SLC15A4: variants seen among roughly 807,000 people sequenced by gnomAD.
SLC15A4 encodes solute carrier family 15 member 4, also known as hPHT1.
A neutral mutation model predicts 46.1 loss-of-function variants in SLC15A4; 26 were observed. The ratio of observed to expected loss-of-function variants is 0.56; its 90% CI spans 0.41 to 0.78. The LOEUF (loss-of-function observed/expected upper bound fraction) is 0.78. Ranked by LOEUF, SLC15A4 falls within the 30% of genes least tolerant of loss-of-function variation. SLC15A4 has a pLI of 0.00. For synonymous variants in SLC15A4, 370 were observed against 333.4 expected, an observed-to-expected ratio of 1.11 and a Z score of -1.20; for missense variants, 751 against 755.7, an observed-to-expected ratio of 0.99 and a Z score of 0.07.
chr12:128,815,307 C>G, intron 1 of SLC15A4: 1 of 166,016 alleles, frequency 6.0e-6, no homozygotes, highest in South Asian at 7.7e-5. Context: ...CCAACAAATG[C>G]TAGAGAGTTT....
chr12:128,822,735 C>G (rs939054427), intron 1 of SLC15A4, among the ~76,000 whole-genome samples: 1 of 152,028 alleles, frequency 6.6e-6, no homozygotes, highest in African/African-American at 2.4e-5. Context: ...TATTTTTAGC[C>G]AGGCTGGTCA....
intron 7 of SLC15A4, among the ~76,000 whole-genome samples, 170 bp downstream of exon 7, chr12:128,799,089 A>G (rs1006961533): frequency 6.6e-6 from 1 of 152,134 alleles, no homozygotes; most frequent in African/African-American, 2.4e-5. Context: ...TGATGTAAGG[A>G]AACACAGTGA....
At chr12:128,810,370 G>C in intron 2 of SLC15A4, 2 of 427,484 alleles carry the variant, frequency 4.7e-6, no homozygotes, top group East Asian at 9.7e-5. Context: ...GTGGCTGGAA[G>C]ATCTGTGATG....
chr12:128,806,465 C>A (rs1177861521), intron 5 of SLC15A4, among the ~76,000 whole-genome samples: 2 of 152,034 alleles, frequency 1.3e-5, no homozygotes, highest in Non-Finnish European at 2.9e-5. Flanking sequence ...AATCAAGTTT[C>A]TTTCCCATTA....
Position 128,795,178 on chromosome 12 carries a change from G to C in SLC15A4, c.1574-822C>G, listed in dbSNP as rs188071326. 4.6e-3 allele frequency among the ~76,000 whole-genome samples: 697 copies of C among 152,074 alleles called. 4 individuals carry two copies. The highest frequency in any genetic ancestry group is 0.016 in the African/African-American group (655 of 41,450). ...TCGTGAATTCTGGATTCACTGCATG[G>C]GTCACTGACACACCCAACACACCAG... On this transcript the variant is annotated intron_variant, in intron 7 of 7. Coordinates refer to ENST00000266771, the MANE Select transcript of SLC15A4 (RefSeq NM_145648.4).
At chr12:128,800,171 C>T (rs1955498385) in intron 6 of SLC15A4, among the ~76,000 whole-genome samples, 1 of 152,054 alleles carries the variant, frequency 6.6e-6, no homozygotes, top group African/African-American at 2.4e-5. Flanking sequence ...TTTTGGCAGG[C>T]CCATCTATAA....
rs1955404860 is a variant in SLC15A4, at chr12:128,793,199, T to A, written c.*997A>T. 6.6e-6 allele frequency: 1 copy of A among 152,370 alleles called. No homozygotes were observed. Among genetic ancestry groups the A allele is most frequent in the African/African-American group, 2.4e-5 (1 of 41,580 alleles). 9.4% of individuals were successfully genotyped at this position (152,370 alleles called of 1,614,324 possible). On this transcript the variant is annotated 3_prime_UTR_variant, in exon 8 of 8. Coordinates refer to ENST00000266771, the MANE Select transcript of SLC15A4 (RefSeq NM_145648.4). ...CCACGCAAAGAACCGGCTCATGGATTTCGCATTTGAGATGCTTTTTATAAT... is the reference window on the plus strand; with the variant it reads ...CCACGCAAAGAACCGGCTCATGGATATCGCATTTGAGATGCTTTTTATAAT...
intron 1 of SLC15A4, among the ~76,000 whole-genome samples, chr12:128,820,719 T>C (rs1014284387): frequency 2.0e-5 from 3 of 152,262 alleles, no homozygotes; most frequent in Admixed American, 1.3e-4. Flanking sequence ...AACCAGATAC[T>C]GTACTTAGGT....
Position 128,823,876 on chromosome 12 carries a change from G to GCCGCCGCCGC in SLC15A4, c.58_67dup (p.Ala23GlyfsTer165). 1 of 966,448 alleles carries GCCGCCGCCGC rather than the reference G, an allele frequency of 1.0e-6. No individual in the cohort carries two copies. Among genetic ancestry groups the GCCGCCGCCGC allele is most frequent in the Non-Finnish European group, 1.2e-6 (1 of 814,784 alleles). The allele number at this position is 966,448 out of a possible 1,614,324, so 59.9% of individuals were successfully genotyped here. On this transcript the variant is annotated frameshift_variant, in exon 1 of 8. Transcript: ENST00000266771. LOFTEE classifies it high-confidence loss of function. ...CGCGAACGCCCCAGCCGCCGCCGCG[G>GCCGCCGCCGC]CCGCCGCCGCCCGCCGCGCGCCCAG...
chr12:128,823,698 C>T lies in SLC15A4; in HGVS notation c.246G>A (p.Met82Ile). 2.0e-6 allele frequency: 3 copies of T among 1,525,108 alleles called. No homozygotes were observed. The highest frequency in any genetic ancestry group is 2.6e-6 in the Non-Finnish European group (3 of 1,144,200). The allele number at this position is 1,525,108 out of a possible 1,614,324, so 94.5% of individuals were successfully genotyped here. Residue 82 changes from methionine to isoleucine, a missense_variant, in exon 1 of 8, where the codon ATG becomes ATA. Coordinates refer to ENST00000266771, the MANE Select transcript of SLC15A4 (RefSeq NM_145648.4). ...AQASEALLLFMGLTYLGSPFG... is the reference protein window; with the variant it reads ...AQASEALLLFIGLTYLGSPFG... ...ACGGCGAGCCCAGGTAGGTGAGGCC[C>T]ATGAAGAGCAGCAGCGCCTCGCTGG... is the stretch of plus-strand genomic sequence containing the variant.
chr12:128,812,806 C>T (rs1955678519), intron 2 of SLC15A4, among the ~76,000 whole-genome samples: 1 of 152,168 alleles, frequency 6.6e-6, no homozygotes, highest in African/African-American at 2.4e-5. Context: ...AGTAACCTGC[C>T]CAAGGTTACA....
Position 128,808,881 on chromosome 12 carries a change from C to T in SLC15A4, c.1165G>A (p.Asp389Asn), listed in dbSNP as rs1288266197. Residue 389 changes from aspartate (D) to asparagine (N), a missense_variant, in exon 5 of 8, where the codon GAT (aspartate) becomes AAT (asparagine). Transcript: ENST00000266771. Reference protein sequence around the residue: ...LLIPLKDKLVDPILRRHGLLP... With the variant: ...LLIPLKDKLVNPILRRHGLLP... ...AGGCCATGTCTTCTCAAAATGGGATCGACCAGTTTGTCCTTCAGAGGGATG... is the reference window on the plus strand; with the variant it reads ...AGGCCATGTCTTCTCAAAATGGGATTGACCAGTTTGTCCTTCAGAGGGATG... The T allele has an allele frequency of 6.2e-7, 1 of 1,614,158 alleles. No homozygotes were observed. The highest frequency in any genetic ancestry group is 8.5e-7 in the Non-Finnish European group (1 of 1,179,988).
At position 128,808,941 on chromosome 12, in the gene SLC15A4, G is replaced by T. The variant is rs753490290; in HGVS notation, c.1105C>A (p.Leu369Met). Reference sequence around the variant, plus strand: ...ATGAGCACAGCATCAAACATGGTCAGCCAGGCTGCAGGGAGCTGGGGTGAA... The same window carrying T: ...ATGAGCACAGCATCAAACATGGTCATCCAGGCTGCAGGGAGCTGGGGTGAA... ...TTPHTLPAAWLTMFDAVLILL... is the reference protein window; with the variant it reads ...TTPHTLPAAWMTMFDAVLILL... Residue 369 changes from leucine (L) to methionine (M), a missense_variant, in exon 5 of 8, where the codon CTG becomes ATG. Leu to Met is a conservative substitution (Grantham distance 15, BLOSUM62 2). Transcript: ENST00000266771. 6.2e-7 allele frequency: 1 copy of T among 1,613,908 alleles called. No individual in the cohort carries two copies. Among genetic ancestry groups the T allele is most frequent in the Non-Finnish European group, 8.5e-7 (1 of 1,179,846 alleles).
chr12:128,809,992 A>G lies in SLC15A4; in HGVS notation c.962T>C (p.Ile321Thr), dbSNP rs758488154. 3.8e-5 allele frequency: 61 copies of G among 1,614,082 alleles called. No homozygotes were observed. The highest frequency in any genetic ancestry group is 5.0e-5 in the Non-Finnish European group (59 of 1,180,034). ...KVEDVKALVK[I>T]VPVFLALIPY... ...TATCAAAGCCAAGAAAACAGGGACAATCTTGACCAGAGCTTTCACATCTTC... is the reference window on the plus strand; with the variant it reads ...TATCAAAGCCAAGAAAACAGGGACAGTCTTGACCAGAGCTTTCACATCTTC... Residue 321 changes from isoleucine to threonine, a missense_variant, in exon 3 of 8, where the codon ATT (isoleucine) becomes ACT (threonine). Coordinates refer to ENST00000266771, the MANE Select transcript of SLC15A4 (RefSeq NM_145648.4).
In SLC15A4 at chr12:128,823,863, A is replaced by G. The variant is rs1197579037; in HGVS notation, c.81T>C (p.Ala27=). ...ARRAAAAAAA[A]GAFAGRRAAC... ...CCGCGCGCCGGCCCGCGAACGCCCC[A>G]GCCGCCGCCGCGGCCGCCGCCGCCC... Residue 27 remains alanine (A), a synonymous_variant, in exon 1 of 8, where the codon GCT becomes GCC. Coordinates refer to ENST00000266771, the MANE Select transcript of SLC15A4 (RefSeq NM_145648.4). 12 of 1,077,652 alleles carry G rather than the reference A, an allele frequency of 1.1e-5. No homozygotes were observed. The highest frequency in any genetic ancestry group is 1.4e-5 in the Non-Finnish European group (12 of 888,584). 66.8% of individuals were successfully genotyped at this position (1,077,652 alleles called of 1,614,324 possible).
intron 6 of SLC15A4, among the ~76,000 whole-genome samples, chr12:128,800,511 C>T (rs1289933436): frequency 6.6e-6 from 1 of 152,256 alleles, no homozygotes; most frequent in Non-Finnish European, 1.5e-5. Flanking sequence ...ACGAAGCGCA[C>T]TGAGAGCTGT....
chr12:128,794,861 A>C (rs1955427264), intron 7 of SLC15A4, among the ~76,000 whole-genome samples: 1 of 152,062 alleles, frequency 6.6e-6, no homozygotes, highest in Non-Finnish European at 1.5e-5. Context: ...CAAAGTAAAA[A>C]ATTACCTTCC....
chr12:128,805,372 G>A (rs1260952122), intron 5 of SLC15A4, among the ~76,000 whole-genome samples: 1 of 152,068 alleles, frequency 6.6e-6, no homozygotes, highest in Non-Finnish European at 1.5e-5. Context: ...GACAAAGAAT[G>A]ACCATTTGAA....
chr12:128,801,047 T>C (rs1237573276), intron 5 of SLC15A4, 38 bp from the exon 6 acceptor site: 1 of 1,542,136 alleles, frequency 6.5e-7, no homozygotes, highest in East Asian at 2.3e-5. Context: ...TATTCATTTA[T>C]TAACATTTAC....
Sources: gnomAD v4.1 joint callset for allele counts (sites outside exome capture counted in the v4.1 genomes callset) on GRCh38, gnomAD v4.1.1 for gene constraint, MANE v1.5 for transcripts, NCBI Gene and HGNC (gene_info 2026-07-23, HGNC 2026-07-21) for gene names.